Variants in FAM184B observed in about 807,000 individuals in gnomAD.
FAM184B encodes family with sequence similarity 184 member B, also known as protein FAM184B.
Under a neutral mutation model 135.9 loss-of-function variants are expected in FAM184B, and 111 were observed. The ratio of observed to expected loss-of-function variants is 0.82; its 90% CI spans 0.70 to 0.96. FAM184B has a LOEUF of 0.96. Ranked by LOEUF, FAM184B falls within the 40% of genes least tolerant of loss-of-function variation. The pLI, the probability that FAM184B is intolerant of heterozygous loss-of-function variation, is 0.00. For missense variants in FAM184B, 1,375 were observed against 1,323.9 expected (o/e 1.04, Z -0.60); for synonymous variants, 552 against 524.8 (o/e 1.05, Z -0.71).
intron 6 of FAM184B, among the ~76,000 whole-genome samples, chr4:17,689,839 C>T (rs1716679807): frequency 6.6e-6 from 1 of 151,982 alleles, no homozygotes; most frequent in East Asian, 1.9e-4. Context: ...ATAAGGTAGG[C>T]ACTACTGCAC....
intron 16 of FAM184B, chr4:17,634,174 A>T (rs1715055491): frequency 3.7e-6 from 1 of 266,950 alleles, no homozygotes; most frequent in African/African-American, 2.2e-5. Context: ...TAACACCCCC[A>T]GCAGGGGATG....
At chr4:17,726,500 T>A (rs1399437996) in intron 1 of FAM184B, among the ~76,000 whole-genome samples, 1 of 152,042 alleles carries the variant, frequency 6.6e-6, no homozygotes, top group Non-Finnish European at 1.5e-5. Context: ...GCCTCCTGAG[T>A]AGCTGGGATT....
chr4:17,711,558 G>A (rs1456591537), intron 1 of FAM184B, among the ~76,000 whole-genome samples: 3 of 152,146 alleles, frequency 2.0e-5, no homozygotes, highest in African/African-American at 7.2e-5. Flanking sequence ...AGTTACTTGG[G>A]AGGCTGAGGT....
rs544942094 is a variant in FAM184B at position 17,755,496 on chromosome 4, G to T, written c.141+25663C>A. 1.3e-5 allele frequency among the ~76,000 whole-genome samples: 2 copies of T among 152,218 alleles called. 1 individual carries two copies. Among genetic ancestry groups the T allele is most frequent in the South Asian group, 4.1e-4 (2 of 4,824 alleles). On this transcript the variant is annotated intron_variant, in intron 1 of 17. Coordinates refer to ENST00000265018, the MANE Select transcript of FAM184B (RefSeq NM_015688.2). The stretch of plus-strand genomic sequence containing the variant: ...TAGTTCAACCATTGTGGAAGACAGC[G>T]TGGTGATTCCTTAAAGATCTAGAAG...
intron 3 of FAM184B, among the ~76,000 whole-genome samples, chr4:17,707,413 G>T (rs1409699523): frequency 6.6e-6 from 1 of 152,150 alleles, no homozygotes; most frequent in Non-Finnish European, 1.5e-5. Context: ...GGGGGCAAGG[G>T]GTCCTTTCAC....
rs116949678 is a variant in FAM184B, at chr4:17,741,932, A to C, written c.142-32288T>G. On this transcript the variant is annotated intron_variant, in intron 1 of 17. Coordinates refer to ENST00000265018, the MANE Select transcript of FAM184B (RefSeq NM_015688.2). ...GTTTCTAATCAATAGGTTTACTATC[A>C]ATAGAAGTTACTAACAGTTACAATA... is the stretch of plus-strand genomic sequence containing the variant. 3.0e-4 allele frequency among the ~76,000 whole-genome samples: 46 copies of C among 152,138 alleles called. No homozygotes were observed. The East Asian group carries it at 8.9e-3, about 29-fold the overall frequency.
intron 1 of FAM184B, among the ~76,000 whole-genome samples, chr4:17,741,291 G>A (rs1560190445): frequency 6.6e-6 from 1 of 152,134 alleles, no homozygotes. Flanking sequence ...TAGACAAGGT[G>A]GTCAAGAAAG....
chr4:17,726,938 G>A (rs912247343), intron 1 of FAM184B, among the ~76,000 whole-genome samples: 20 of 152,246 alleles, frequency 1.3e-4, no homozygotes, highest in African/African-American at 3.6e-4. Flanking sequence ...ATTCTGATTG[G>A]CTAATTTCAG....
intron 1 of FAM184B, 75 bp from the exon 2 acceptor site, chr4:17,709,719 T>G (rs1325893243): frequency 7.6e-7 from 1 of 1,319,422 alleles, no homozygotes; most frequent in Non-Finnish European, 1.0e-6. Context: ...CAGAGCAATA[T>G]TCTCCTGCAT....
At position 17,664,618 on chromosome 4, in the gene FAM184B, C is replaced by T. The variant is rs1329450607; in HGVS notation, c.1638G>A (p.Glu546=). 2 of 1,551,440 alleles carry T rather than the reference C, an allele frequency of 1.3e-6. No homozygotes were observed. The highest frequency in any genetic ancestry group is 2.0e-5 in the Admixed American group (1 of 50,940). ...LKLDETSPRG[E]EYQDKLAAEE... ...CAGCTGCTAACTTATCTTGATACTCCTCTCCTCTCGGCGAAGTTTCATCCA... is the reference window on the plus strand; with the variant it reads ...CAGCTGCTAACTTATCTTGATACTCTTCTCCTCTCGGCGAAGTTTCATCCA... Residue 546 remains glutamate, a synonymous_variant, in exon 8 of 18, where the codon GAG becomes GAA. Coordinates refer to ENST00000265018, the MANE Select transcript of FAM184B (RefSeq NM_015688.2).
intron 1 of FAM184B, among the ~76,000 whole-genome samples, chr4:17,771,948 T>C (rs1200333935): frequency 6.6e-6 from 1 of 152,212 alleles, no homozygotes. Flanking sequence ...GTGGAAAATT[T>C]TCCCCCAACT....
At chr4:17,692,244 C>G (rs10939756) in intron 6 of FAM184B, among the ~76,000 whole-genome samples, 2 of 151,374 alleles carry the variant, frequency 1.3e-5, no homozygotes, top group East Asian at 2.0e-4. Context: ...GGGAGGACAG[C>G]AGGGAAGAAA....
chr4:17,636,503 G>A (rs1162530951), intron 15 of FAM184B, 25 bp downstream of exon 15: 2 of 1,536,614 alleles, frequency 1.3e-6, no homozygotes, highest in South Asian at 1.2e-5. Context: ...AGGTGCGTGG[G>A]TGAGGCGCCC....
At position 17,629,746 on chromosome 4, in the gene FAM184B, T is replaced by C. The variant is rs938682945; in HGVS notation, c.*2786A>G. ...TCTAGACCGCTCTGCTGTTGAGAGA[T>C]TGATGGAATCATTATGCAAACTAAA... On this transcript the variant is annotated 3_prime_UTR_variant, in exon 18 of 18. Coordinates refer to ENST00000265018, the MANE Select transcript of FAM184B (RefSeq NM_015688.2). 2 of 152,232 alleles carry C rather than the reference T, an allele frequency of 1.3e-5. No individual in the cohort carries two copies. The highest frequency in any genetic ancestry group is 4.8e-5 in the African/African-American group (2 of 41,466). The allele number at this position is 152,232 out of a possible 1,614,324, so 9.4% of individuals were successfully genotyped here.
At chr4:17,757,493 T>A (rs1394120697) in intron 1 of FAM184B, among the ~76,000 whole-genome samples, 1 of 152,246 alleles carries the variant, frequency 6.6e-6, no homozygotes, top group East Asian at 1.9e-4. Context: ...TAGCATTAAT[T>A]TTTTTTCAGT....
chr4:17,771,436 T>C (rs982816329), intron 1 of FAM184B, among the ~76,000 whole-genome samples: 2 of 152,122 alleles, frequency 1.3e-5, no homozygotes, highest in African/African-American at 4.8e-5. Flanking sequence ...ATTCGTGAGC[T>C]CCTTACACAA....
intron 2 of FAM184B, 98 bp from the exon 3 acceptor site, chr4:17,707,882 T>G (rs1031422004): frequency 1.4e-6 from 2 of 1,381,336 alleles, no homozygotes; most frequent in Non-Finnish European, 2.0e-6. Flanking sequence ...GGCGGGTATA[T>G]GCACAGCAGA....
rs552386570 is a variant in FAM184B, at chr4:17,757,566, A to ATTC, written c.141+23592_141+23593insGAA. ...GCTTATCTTTCAGAGACATACACTG[A>ATTC]AATATTTATGGATGAAATACTTCTG... On this transcript the variant is annotated intron_variant, in intron 1 of 17. Coordinates refer to ENST00000265018, the MANE Select transcript of FAM184B (RefSeq NM_015688.2). Among the ~76,000 whole-genome samples the ATTC allele has an allele frequency of 2.8e-3, 433 of 152,304 alleles. 3 individuals are homozygous for ATTC. Among genetic ancestry groups the ATTC allele is most frequent in the African/African-American group, 9.6e-3 (397 of 41,546 alleles).
At chr4:17,744,471 ACACACACACACACACACAC>A (rs1416061427) in intron 1 of FAM184B, among the ~76,000 whole-genome samples, 3 of 143,446 alleles carry the variant, frequency 2.1e-5, no homozygotes, top group East Asian at 2.1e-4. Context: ...TCACACACAC[ACACACACACACACACACAC>A]CACACACACA....
Sources: gnomAD v4.1 joint callset for allele counts (sites outside exome capture counted in the v4.1 genomes callset) on GRCh38, gnomAD v4.1.1 for gene constraint, MANE v1.5 for transcripts, NCBI Gene and HGNC (gene_info 2026-07-23, HGNC 2026-07-21) for gene names.